The following HSPBAP1 variants were observed in gnomAD, a reference collection of about 807,000 sequenced individuals.
The protein encoded by HSPBAP1 is HSPB1-associated protein 1.
Under a neutral mutation model 45.2 loss-of-function variants are expected in HSPBAP1, and 27 were observed. The observed-to-expected ratio is 0.60, with a 90% CI of 0.44 to 0.82. The LOEUF (loss-of-function observed/expected upper bound fraction) is 0.82, where lower values mean the gene tolerates loss of function less well. HSPBAP1 is among the 40% of genes least tolerant of loss of function. The probability of loss-of-function intolerance (pLI) is 0.00; values close to 1 mark genes in which losing one functional copy is unlikely to be tolerated. For missense variants in HSPBAP1, 510 were observed against 590.9 expected, an observed-to-expected ratio of 0.86 and a Z score of 1.42; for synonymous variants, 204 against 202.7, an observed-to-expected ratio of 1.01 and a Z score of -0.06.
At chr3:122,777,374 T>A (rs571947522) in intron 2 of HSPBAP1, among the ~76,000 whole-genome samples, 1 of 152,214 alleles carries the variant, frequency 6.6e-6, no homozygotes, top group Non-Finnish European at 1.5e-5. Flanking sequence ...ATTGGTCTAA[T>A]AGGAACATGA....
intron 6 of HSPBAP1, among the ~76,000 whole-genome samples, chr3:122,747,742 C>T (rs1481337358): frequency 4.7e-5 from 7 of 148,016 alleles, no homozygotes; most frequent in African/African-American, 1.2e-4. Context: ...CCAGCCGCCC[C>T]GTCCCGGAGG....
At chr3:122,744,716 T>C (rs1038544058) in intron 6 of HSPBAP1, among the ~76,000 whole-genome samples, 1 of 152,246 alleles carries the variant, frequency 6.6e-6, no homozygotes, top group African/African-American at 2.4e-5. Context: ...TGGAAAATTA[T>C]ACAAAAGATG....
Position 122,755,394 on chromosome 3 carries a change from A to C in HSPBAP1, c.607T>G (p.Phe203Val). Residue 203 changes from phenylalanine to valine, a missense_variant, in exon 5 of 8, where the codon TTC becomes GTC. Transcript: ENST00000306103. Reference protein sequence around the residue: ...WHLFPPEDTPFLYPTRIPYEE... With the variant: ...WHLFPPEDTPVLYPTRIPYEE... ...TAAGGGATTCTAGTTGGATAAAGGAAAGGAGTATCTTCAGGAGGAAAGAGA... is the reference window on the plus strand; with the variant it reads ...TAAGGGATTCTAGTTGGATAAAGGACAGGAGTATCTTCAGGAGGAAAGAGA... 1 of 1,579,576 alleles carries C rather than the reference A, an allele frequency of 6.3e-7. No individual in the cohort carries two copies. The highest frequency in any genetic ancestry group is 8.6e-7 in the Non-Finnish European group (1 of 1,163,404).
At chr3:122,790,384 C>A (rs1165716164) in intron 1 of HSPBAP1, among the ~76,000 whole-genome samples, 1 of 152,152 alleles carries the variant, frequency 6.6e-6, no homozygotes, top group Admixed American at 6.5e-5. Flanking sequence ...GGTATCCTCA[C>A]CTGGCTCATC....
intron 4 of HSPBAP1, among the ~76,000 whole-genome samples, chr3:122,757,552 G>C (rs924934479): frequency 8.5e-5 from 13 of 152,150 alleles, no homozygotes; most frequent in African/African-American, 3.1e-4. Flanking sequence ...ATTCTGCCTT[G>C]TATCATGGAT....
intron 1 of HSPBAP1, among the ~76,000 whole-genome samples, chr3:122,784,925 T>C (rs915516294): frequency 2.6e-5 from 4 of 152,224 alleles, no homozygotes; most frequent in Admixed American, 2.6e-4. Flanking sequence ...TCATGTGATC[T>C]TATAAGAAGC....
intron 1 of HSPBAP1, among the ~76,000 whole-genome samples, chr3:122,783,528 G>C (rs1017427163): frequency 6.6e-6 from 1 of 152,122 alleles, no homozygotes; most frequent in Non-Finnish European, 1.5e-5. Flanking sequence ...AGGTTAACAG[G>C]GAAAAGCATA....
intron 3 of HSPBAP1, among the ~76,000 whole-genome samples, chr3:122,767,816 A>G (rs1011094781): frequency 6.6e-6 from 1 of 152,230 alleles, no homozygotes; most frequent in South Asian, 2.1e-4. Context: ...CTATCAGCCT[A>G]TATGAAAGCC....
chr3:122,746,602 GCT>G (rs1003870361), intron 6 of HSPBAP1, among the ~76,000 whole-genome samples: 7 of 151,428 alleles, frequency 4.6e-5, no homozygotes, highest in Non-Finnish European at 7.4e-5. Context: ...TTAGATCTCA[GCT>G]CTCTCCTCTC....
intron 3 of HSPBAP1, among the ~76,000 whole-genome samples, chr3:122,768,440 C>A (rs1000115234): frequency 6.6e-6 from 1 of 152,186 alleles, no homozygotes; most frequent in African/African-American, 2.4e-5. Flanking sequence ...ATACTCCAAA[C>A]CGACTCAAGC....
chr3:122,767,890 T>C (rs1398489658), intron 3 of HSPBAP1, among the ~76,000 whole-genome samples: 1 of 151,820 alleles, frequency 6.6e-6, no homozygotes, highest in Non-Finnish European at 1.5e-5. Flanking sequence ...GATGGTGAAA[T>C]ACTTCTCTCC....
intron 6 of HSPBAP1, among the ~76,000 whole-genome samples, chr3:122,744,639 A>G (rs943142931): frequency 6.6e-6 from 1 of 152,218 alleles, no homozygotes; most frequent in African/African-American, 2.4e-5. Context: ...ATCAGCATGA[A>G]GTTCTTAGCT....
At chr3:122,763,462 G>T (rs913237156) in intron 3 of HSPBAP1, among the ~76,000 whole-genome samples, 3 of 151,224 alleles carry the variant, frequency 2.0e-5, no homozygotes, top group South Asian at 4.2e-4. Flanking sequence ...AGCTGTGTGT[G>T]TTTTTTTTTA....
At chr3:122,759,386 A>T in intron 3 of HSPBAP1, 26 bp from the exon 4 acceptor site, 6 of 1,605,972 alleles carry the variant, frequency 3.7e-6, no homozygotes, top group Non-Finnish European at 5.1e-6. Flanking sequence ...GTTGCAATCC[A>T]TCAAGAACTA....
chr3:122,781,337 G>A (rs1041946444), intron 1 of HSPBAP1, among the ~76,000 whole-genome samples: 3 of 152,240 alleles, frequency 2.0e-5, no homozygotes, highest in East Asian at 1.9e-4. Flanking sequence ...AGGATCACTC[G>A]TGGTTAGGAG....
chr3:122,760,193 C>T (rs1343080396), intron 3 of HSPBAP1, among the ~76,000 whole-genome samples: 3 of 151,976 alleles, frequency 2.0e-5, no homozygotes, highest in Non-Finnish European at 2.9e-5. Flanking sequence ...AAGCCGATGG[C>T]GCATTTGCAG....
chr3:122,740,126 T>A lies in HSPBAP1; in HGVS notation c.*219A>T. ...TTTGACACAGGCTAAAAGTATGGGA[T>A]GAGAGAGGAACAAAAGCTTACAAAC... On this transcript the variant is annotated 3_prime_UTR_variant, in exon 8 of 8. Transcript: ENST00000306103. 1 of 318,736 alleles carries A rather than the reference T, an allele frequency of 3.1e-6. No individual in the cohort carries two copies. The allele number at this position is 318,736 out of a possible 1,614,324, so 19.7% of individuals were successfully genotyped here. A position where few individuals can be genotyped will look rare whatever the true frequency, so the allele number is the denominator to read the frequency against.
chr3:122,744,149 G>T (rs1385401297), intron 6 of HSPBAP1, among the ~76,000 whole-genome samples: 1 of 152,040 alleles, frequency 6.6e-6, no homozygotes, highest in Non-Finnish European at 1.5e-5. Context: ...GAAAAATGCT[G>T]AGAATGAGAA....
intron 1 of HSPBAP1, among the ~76,000 whole-genome samples, chr3:122,780,863 T>C (rs1935433292): frequency 7.6e-6 from 1 of 131,930 alleles, no homozygotes; most frequent in African/African-American, 2.7e-5. Context: ...GAGACGCTCC[T>C]CACCTCCCAG....
Sources: allele counts gnomAD v4.1 joint callset (sites outside exome capture counted in the v4.1 genomes callset), GRCh38; gene constraint gnomAD v4.1.1; transcripts MANE v1.5; gene names NCBI Gene and HGNC (gene_info 2026-07-23, HGNC 2026-07-21).